Variants in CNTN4 observed in about 807,000 individuals in gnomAD.
CNTN4 encodes contactin 4, also known as contactin-4.
A neutral mutation model predicts 122.5 loss-of-function variants in CNTN4; 77 were observed. The observed-to-expected ratio is 0.63, with a 90% CI of 0.52 to 0.76. CNTN4 has a LOEUF of 0.76. Among genes scored for constraint, CNTN4 ranks in the 30% least tolerant of loss-of-function variants. The pLI, the probability that CNTN4 is intolerant of heterozygous loss-of-function variation, is 0.00. For missense variants in CNTN4, 1,256 were observed against 1,259.1 expected (o/e 1.00, Z 0.04); for synonymous variants, 512 against 447.0 (o/e 1.15, Z -1.83).
At chr3:2,324,982 C>G (rs1447953618) in intron 2 of CNTN4, among the ~76,000 whole-genome samples, 1 of 152,206 alleles carries the variant, frequency 6.6e-6, no homozygotes, top group Admixed American at 6.5e-5. Context: ...TATTCATCCT[C>G]TACTTTAAAT....
At chr3:2,770,671 C>T (rs1469217387) in intron 6 of CNTN4, among the ~76,000 whole-genome samples, 1 of 152,220 alleles carries the variant, frequency 6.6e-6, no homozygotes, top group Non-Finnish European at 1.5e-5. Context: ...TAGAGATAAT[C>T]AGTGGACCAG....
At chr3:2,593,917 A>G (rs1462214346) in intron 4 of CNTN4, among the ~76,000 whole-genome samples, 1 of 152,192 alleles carries the variant, frequency 6.6e-6, no homozygotes, top group Non-Finnish European at 1.5e-5. Context: ...ATAAAATCAT[A>G]TATTTCAGTA....
intron 13 of CNTN4, among the ~76,000 whole-genome samples, chr3:2,932,856 T>C (rs575871950): frequency 1.9e-4 from 28 of 151,080 alleles, no homozygotes; most frequent in African/African-American, 6.6e-4. Context: ...GGAGTCTCGC[T>C]CTGTCGCCCA....
Position 2,411,818 on chromosome 3 carries a change from C to CT in CNTN4, c.-89+72585_-89+72586insT, listed in dbSNP as rs60174127. On this transcript the variant is annotated intron_variant, in intron 3 of 24. Transcript: ENST00000418658. ...TTGCTGTATTTCGAAGCATCGTTTT[C>CT]CCCTTTTCCATTGAGATGTAGTATA... is the stretch of plus-strand genomic sequence containing the variant. Among the ~76,000 whole-genome samples the CT allele has an allele frequency of 4.7e-3, 714 of 152,144 alleles. 7 individuals carry two copies. Among genetic ancestry groups the CT allele is most frequent in the African/African-American group, 0.017 (698 of 41,458 alleles).
chr3:2,646,590 T>C (rs1407201623), intron 4 of CNTN4, among the ~76,000 whole-genome samples: 1 of 152,222 alleles, frequency 6.6e-6, no homozygotes, highest in Non-Finnish European at 1.5e-5. Context: ...TATCAGAGTT[T>C]CTTTATTGTT....
rs2094472283 is a variant in CNTN4, at chr3:2,926,269, C to A, written c.1358+490C>A. Among the ~76,000 whole-genome samples, 4 of 152,210 alleles carry A rather than the reference C, an allele frequency of 2.6e-5. No homozygotes were observed. In the South Asian group the frequency reaches 8.3e-4, roughly 32 times the overall value. ...TTTTCAAAACTCATACTTCAAACAG[C>A]AGAGTGTTATGCTTTTTATTTCAAC... On this transcript the variant is annotated intron_variant, in intron 13 of 24. Transcript: ENST00000418658.
rs1261413751 is a variant in CNTN4, at chr3:2,546,693, T to TA, written c.-88-24721dup. Among the ~76,000 whole-genome samples, 9 of 152,146 alleles carry TA rather than the reference T, an allele frequency of 5.9e-5. No individual in the cohort carries two copies. The East Asian group carries it at 1.5e-3, about 26-fold the overall frequency. ...ACAAAATATGAACAAAGTCCCAATG[T>TA]AAGAGACAAATATCAGTTCAATTAA... is the stretch of plus-strand genomic sequence containing the variant. On this transcript the variant is annotated intron_variant, in intron 3 of 24. Coordinates refer to ENST00000418658, the MANE Select transcript of CNTN4 (RefSeq NM_175607.3).
intron 4 of CNTN4, among the ~76,000 whole-genome samples, chr3:2,606,259 G>T (rs992657264): frequency 1.3e-5 from 2 of 152,142 alleles, no homozygotes; most frequent in African/African-American, 4.8e-5. Flanking sequence ...TTATTGTAAG[G>T]TTTCAAACGG....
At chr3:2,755,024 T>C (rs1397902727) in intron 6 of CNTN4, among the ~76,000 whole-genome samples, 1 of 152,172 alleles carries the variant, frequency 6.6e-6, no homozygotes, top group African/African-American at 2.4e-5. Context: ...GTGGTGGTGA[T>C]AGAAAACTTT....
At chr3:2,492,985 A>G (rs1455933512) in intron 3 of CNTN4, among the ~76,000 whole-genome samples, 1 of 152,220 alleles carries the variant, frequency 6.6e-6, no homozygotes, top group African/African-American at 2.4e-5. Flanking sequence ...GGGGGCATTA[A>G]GAACTGTTTT....
In CNTN4 at chr3:2,736,281, C is replaced by T. The variant is rs764028050; in HGVS notation, c.122C>T (p.Ser41Phe). 1.2e-6 allele frequency: 2 copies of T among 1,613,438 alleles called. No homozygotes were observed. Among genetic ancestry groups the T allele is most frequent in the Non-Finnish European group, 1.7e-6 (2 of 1,179,674 alleles). The change falls in exon 5 of 25, where the codon TCT becomes TTT. Residue 41 changes from serine to phenylalanine, a missense_variant. By Grantham distance (155) the Ser-to-Phe change is radical (BLOSUM62 -2). Coordinates refer to ENST00000418658, the MANE Select transcript of CNTN4 (RefSeq NM_175607.3). The part of the protein sequence containing the change: ...EPSPVMFPLD[S>F]EEKKVKLNCE... The stretch of plus-strand genomic sequence containing the variant: ...AGTCCTGTAATGTTCCCTTTGGATT[C>T]TGAGGAGAAAAAAGTGAAGCTCAAT...
intron 13 of CNTN4, among the ~76,000 whole-genome samples, chr3:2,957,940 T>C (rs537681343): frequency 2.5e-4 from 38 of 152,152 alleles, no homozygotes; most frequent in Non-Finnish European, 5.3e-4. Context: ...TTATTTTTCT[T>C]TGGGTATATA....
intron 2 of CNTN4, among the ~76,000 whole-genome samples, chr3:2,127,548 A>G (rs1306892620): frequency 6.6e-6 from 1 of 152,174 alleles, no homozygotes; most frequent in African/African-American, 2.4e-5. Context: ...TTTAAAAAAA[A>G]TCAAGAATAT....
chr3:2,124,307 G>A (rs1302850008), intron 2 of CNTN4, among the ~76,000 whole-genome samples: 1 of 152,166 alleles, frequency 6.6e-6, no homozygotes, highest in Middle Eastern at 3.4e-3. Flanking sequence ...ATGCCACTAA[G>A]GTCAACTCAG....
chr3:2,907,436 G>A (rs1215724242), intron 12 of CNTN4, among the ~76,000 whole-genome samples: 2 of 152,092 alleles, frequency 1.3e-5, no homozygotes, highest in African/African-American at 2.4e-5. Context: ...AGCTGGACAT[G>A]GTGGTGCATG....
intron 4 of CNTN4, among the ~76,000 whole-genome samples, chr3:2,662,333 A>T (rs1201448922): frequency 6.6e-6 from 1 of 152,190 alleles, no homozygotes; most frequent in Admixed American, 6.5e-5. Flanking sequence ...AATGGAGGAG[A>T]GTGGCAGCAA....
intron 14 of CNTN4, among the ~76,000 whole-genome samples, chr3:2,994,007 A>G (rs888633967): frequency 1.3e-5 from 2 of 152,226 alleles, no homozygotes; most frequent in African/African-American, 2.4e-5. Flanking sequence ...AGACACTGGA[A>G]CAATAATTCA....
intron 7 of CNTN4, 118 bp downstream of exon 7, chr3:2,819,699 C>T: frequency 1.2e-6 from 1 of 827,812 alleles, no homozygotes; most frequent in Non-Finnish European, 2.0e-6. Flanking sequence ...TCCCAAAGCC[C>T]CTCCATGTGG....
chr3:3,031,267 A>G (rs1024601478), intron 16 of CNTN4, among the ~76,000 whole-genome samples: 6 of 152,192 alleles, frequency 3.9e-5, no homozygotes, highest in Non-Finnish European at 8.8e-5. Context: ...TCTAGAACAA[A>G]TTTAGGTGAA....
Sources: gnomAD v4.1 joint callset for allele counts (sites outside exome capture counted in the v4.1 genomes callset) on GRCh38, gnomAD v4.1.1 for gene constraint, MANE v1.5 for transcripts, NCBI Gene and HGNC (gene_info 2026-07-23, HGNC 2026-07-21) for gene names.